CNTN4: variants seen among roughly 807,000 people sequenced by gnomAD.
The protein encoded by CNTN4 is contactin-4.
A neutral mutation model predicts 122.5 loss-of-function variants in CNTN4; 77 were observed. That is an observed-to-expected ratio of 0.63 (90% CI 0.52 to 0.76). CNTN4 has a LOEUF of 0.76. Ranked by LOEUF, CNTN4 falls within the 30% of genes least tolerant of loss-of-function variation. CNTN4 has a pLI of 0.00. For synonymous variants in CNTN4, 512 were observed against 447.0 expected, an observed-to-expected ratio of 1.15 and a Z score of -1.83; for missense variants, 1,256 against 1,259.1, an observed-to-expected ratio of 1.00 and a Z score of 0.04.
At position 2,108,077 on chromosome 3, in the gene CNTN4, A is replaced by G. The variant is rs1384953313; in HGVS notation, c.-145+7438A>G. On this transcript the variant is annotated intron_variant, in intron 2 of 24. Transcript: ENST00000418658. ...CCTGGATGATGCTTTCTTTTCCAGC[A>G]TCACTTCCCTGTTCCTATCCTCCCC... Among the ~76,000 whole-genome samples the G allele has an allele frequency of 4.0e-5, 6 of 151,722 alleles. No homozygotes were observed. The East Asian group carries it at 9.7e-4, about 25-fold the overall frequency.
chr3:2,640,567 C>G (rs1488658416), intron 4 of CNTN4, among the ~76,000 whole-genome samples: 2 of 151,998 alleles, frequency 1.3e-5, no homozygotes, highest in Admixed American at 1.3e-4. Context: ...GGAACACTTA[C>G]AAAGCTAAAC....
intron 2 of CNTN4, among the ~76,000 whole-genome samples, chr3:2,256,928 GA>G (rs1310462994): frequency 6.6e-6 from 1 of 152,048 alleles, no homozygotes; most frequent in African/African-American, 2.4e-5. Context: ...CACATAAACA[GA>G]AAAAACTGCT....
intron 3 of CNTN4, among the ~76,000 whole-genome samples, chr3:2,483,233 A>G (rs536511183): frequency 2.0e-5 from 3 of 152,278 alleles, no homozygotes; most frequent in African/African-American, 7.2e-5. Flanking sequence ...TGACTGTCCT[A>G]TTACATTTTA....
intron 2 of CNTN4, among the ~76,000 whole-genome samples, chr3:2,169,228 A>G (rs1466432140): frequency 6.6e-6 from 1 of 152,104 alleles, no homozygotes; most frequent in Non-Finnish European, 1.5e-5. Context: ...TACACTTACC[A>G]AGTATATTTG....
At chr3:2,739,530 G>T (rs1179560889) in intron 5 of CNTN4, among the ~76,000 whole-genome samples, 1 of 152,178 alleles carries the variant, frequency 6.6e-6, no homozygotes, top group Non-Finnish European at 1.5e-5. Flanking sequence ...CAAATGCATA[G>T]TATGTAATTT....
intron 4 of CNTN4, among the ~76,000 whole-genome samples, chr3:2,620,253 A>T (rs1036562086): frequency 6.6e-6 from 1 of 152,170 alleles, no homozygotes; most frequent in African/African-American, 2.4e-5. Flanking sequence ...TAATCTCAGC[A>T]CTTGAGGAAG....
intron 3 of CNTN4, among the ~76,000 whole-genome samples, chr3:2,396,276 T>C (rs532770106): frequency 3.5e-4 from 53 of 152,270 alleles, no homozygotes; most frequent in Non-Finnish European, 7.1e-4. Context: ...CTGCCCTCCT[T>C]GGCCTTCCAA....
At chr3:3,012,113 T>C (rs1170378750) in intron 14 of CNTN4, among the ~76,000 whole-genome samples, 1 of 152,170 alleles carries the variant, frequency 6.6e-6, no homozygotes, top group African/African-American at 2.4e-5. Flanking sequence ...ACTCAGTTTC[T>C]TAGCTACTTC....
chr3:2,335,404 AG>A (rs1291252396), intron 2 of CNTN4, among the ~76,000 whole-genome samples: 1 of 152,114 alleles, frequency 6.6e-6, no homozygotes, highest in Non-Finnish European at 1.5e-5. Context: ...AGCTAAAGGT[AG>A]GAGTACATTA....
chr3:2,809,618 C>A (rs1477862024), intron 6 of CNTN4, among the ~76,000 whole-genome samples: 2 of 152,174 alleles, frequency 1.3e-5, no homozygotes, highest in African/African-American at 4.8e-5. Flanking sequence ...AAGAATGCAG[C>A]TGCCTAACCA....
intron 3 of CNTN4, among the ~76,000 whole-genome samples, chr3:2,381,991 A>C (rs954588172): frequency 2.6e-5 from 4 of 152,176 alleles, no homozygotes; most frequent in Admixed American, 6.5e-5. Flanking sequence ...AGACAAAGGC[A>C]CAAACCCTGT....
chr3:2,518,744 C>T (rs1045690566), intron 3 of CNTN4, among the ~76,000 whole-genome samples: 1 of 152,090 alleles, frequency 6.6e-6, no homozygotes, highest in African/African-American at 2.4e-5. Context: ...ATTTTGGAAG[C>T]GATTCTTGAA....
chr3:2,327,936 C>G lies in CNTN4; in HGVS notation c.-144-11242C>G, dbSNP rs552108517. On this transcript the variant is annotated intron_variant, in intron 2 of 24. Transcript: ENST00000418658. Reference sequence around the variant, plus strand: ...TAGAAAGAATTCCCCTCACCCCTTCCCCACTGAAGTAGGTCATAAGACCCT... The same window carrying G: ...TAGAAAGAATTCCCCTCACCCCTTCGCCACTGAAGTAGGTCATAAGACCCT... Among the ~76,000 whole-genome samples the G allele has an allele frequency of 2.6e-5, 4 of 152,292 alleles. No individual in the cohort carries two copies. In the East Asian group the frequency reaches 5.8e-4, roughly 22 times the overall value.
At chr3:2,683,866 T>C (rs1202159782) in intron 4 of CNTN4, among the ~76,000 whole-genome samples, 4 of 152,142 alleles carry the variant, frequency 2.6e-5, no homozygotes, top group Non-Finnish European at 5.9e-5. Flanking sequence ...CTTAAAAACA[T>C]GGATTCCTGG....
chr3:2,917,580 A>G (rs968042335), intron 12 of CNTN4, among the ~76,000 whole-genome samples: 2 of 152,162 alleles, frequency 1.3e-5, no homozygotes, highest in African/African-American at 4.8e-5. Context: ...AAGTTGTGAA[A>G]TCATAGATCT....
At chr3:3,012,447 T>G (rs1339009209) in intron 14 of CNTN4, among the ~76,000 whole-genome samples, 1 of 151,794 alleles carries the variant, frequency 6.6e-6, no homozygotes, top group Non-Finnish European at 1.5e-5. Flanking sequence ...GGTTTGGTTT[T>G]TTGTTTTTGT....
In CNTN4 at chr3:2,882,426, T is replaced by C. The variant is rs564372378; in HGVS notation, c.653-719T>C. 9.2e-5 allele frequency among the ~76,000 whole-genome samples: 14 copies of C among 151,988 alleles called. No individual in the cohort carries two copies. The South Asian group carries it at 2.7e-3, about 29-fold the overall frequency. The stretch of plus-strand genomic sequence containing the variant: ...CTGATAAGTATTTAATTGCAAAGCA[T>C]GGACTTAGTTTGTTAGACTGTGTTA... On this transcript the variant is annotated intron_variant, in intron 8 of 24. Coordinates refer to ENST00000418658, the MANE Select transcript of CNTN4 (RefSeq NM_175607.3).
At chr3:2,716,457 A>C (rs1440786903) in intron 4 of CNTN4, among the ~76,000 whole-genome samples, 1 of 152,040 alleles carries the variant, frequency 6.6e-6, no homozygotes, top group Admixed American at 6.6e-5. Flanking sequence ...TCATAACAAA[A>C]TACTGTAAAC....
chr3:2,283,823 C>G (rs957265814), intron 2 of CNTN4, among the ~76,000 whole-genome samples: 2 of 152,064 alleles, frequency 1.3e-5, no homozygotes, highest in Non-Finnish European at 2.9e-5. Context: ...AGTTTTCCTC[C>G]AACTTCTGCA....
Sources: gnomAD v4.1 joint callset for allele counts (sites outside exome capture counted in the v4.1 genomes callset) on GRCh38, gnomAD v4.1.1 for gene constraint, MANE v1.5 for transcripts, NCBI Gene and HGNC (gene_info 2026-07-23, HGNC 2026-07-21) for gene names.